Variants in RBFOX2 observed in about 807,000 individuals in gnomAD.
The protein encoded by RBFOX2 is RNA binding protein fox-1 homolog 2.
Under a neutral mutation model 49.1 loss-of-function variants are expected in RBFOX2, and 10 were observed. That is an observed-to-expected ratio of 0.20 (90% CI 0.13 to 0.35). The LOEUF is 0.35. Ranked by LOEUF, RBFOX2 falls within the 10% of genes least tolerant of loss-of-function variation. The pLI is 1.00. For missense variants in RBFOX2, 323 were observed against 486.9 expected (o/e 0.66, Z 3.17); for synonymous variants, 183 against 187.4 (o/e 0.98, Z 0.19).
chr22:35,905,519 C>G (rs1191081521), intron 1 of RBFOX2, among the ~76,000 whole-genome samples: 1 of 152,136 alleles, frequency 6.6e-6, no homozygotes, highest in African/African-American at 2.4e-5. Context: ...ATGACTGAAT[C>G]TTAAATACCT....
intron 1 of RBFOX2, among the ~76,000 whole-genome samples, chr22:35,838,454 G>A (rs796879011): frequency 4.6e-5 from 7 of 152,156 alleles, no homozygotes; most frequent in African/African-American, 1.7e-4. Context: ...GGGCGATGAA[G>A]TTCTAGATCC....
chr22:35,994,689 A>C (rs1054844093), intron 1 of RBFOX2: 1 of 152,116 alleles, frequency 6.6e-6, no homozygotes, highest in Non-Finnish European at 1.5e-5. Flanking sequence ...TACAAGCGTG[A>C]GGTACCATGC....
At chr22:35,890,812 CA>C (rs995312500) in intron 1 of RBFOX2, among the ~76,000 whole-genome samples, 7 of 150,366 alleles carry the variant, frequency 4.7e-5, no homozygotes, top group East Asian at 2.0e-4. Flanking sequence ...TAAAATGAAA[CA>C]AAAAAAAATC....
chr22:35,950,127 T>G (rs2054751223), intron 1 of RBFOX2, among the ~76,000 whole-genome samples: 1 of 144,500 alleles, frequency 6.9e-6, no homozygotes, highest in African/African-American at 2.7e-5. Context: ...TTTTTTTTTT[T>G]GCATGTGTCT....
intron 1 of RBFOX2, among the ~76,000 whole-genome samples, chr22:35,934,312 A>G (rs370008186): frequency 2.6e-5 from 4 of 152,184 alleles, no homozygotes; most frequent in Non-Finnish European, 4.4e-5. Flanking sequence ...ATTTGTTTAA[A>G]TTAAAAATGC....
At chr22:35,778,846 A>T (rs531446304) in intron 3 of RBFOX2, among the ~76,000 whole-genome samples, 4 of 152,276 alleles carry the variant, frequency 2.6e-5, no homozygotes, top group African/African-American at 9.6e-5. Context: ...CGTGTTGGCC[A>T]GGCTGGTCTC....
chr22:35,988,982 G>A (rs559307580), intron 1 of RBFOX2, among the ~76,000 whole-genome samples: 1 of 152,348 alleles, frequency 6.6e-6, no homozygotes, highest in East Asian at 1.9e-4. Flanking sequence ...CTGACGTTAT[G>A]AGTTCAAGAC....
intron 10 of RBFOX2, among the ~76,000 whole-genome samples, 180 bp downstream of exon 12, chr22:35,746,293 C>T (rs900605629): frequency 6.6e-6 from 1 of 152,152 alleles, no homozygotes; most frequent in Non-Finnish European, 1.5e-5. Context: ...AGGACAGAGT[C>T]GGTGCCTTGT....
intron 1 of RBFOX2, among the ~76,000 whole-genome samples, chr22:35,859,303 T>C (rs904358923): frequency 6.6e-6 from 1 of 152,064 alleles, no homozygotes; most frequent in African/African-American, 2.4e-5. Flanking sequence ...GTGGGAAGCT[T>C]TGAGGCAGTG....
intron 1 of RBFOX2, among the ~76,000 whole-genome samples, chr22:35,826,449 G>A (rs1015166530): frequency 1.3e-5 from 2 of 151,752 alleles, no homozygotes; most frequent in African/African-American, 4.8e-5. Context: ...GCTAACAGCT[G>A]AGTTATAATC....
chr22:36,026,398 C>T (rs1485598452), intron 1 of RBFOX2, among the ~76,000 whole-genome samples: 3 of 152,148 alleles, frequency 2.0e-5, no homozygotes, highest in African/African-American at 7.2e-5. Flanking sequence ...TGCGAAGTCC[C>T]TACACACTGC....
rs551712803 is a variant in RBFOX2 at position 35,874,194 on chromosome 22, T to C, written c.-33-64190A>G. Among the ~76,000 whole-genome samples, 8 of 152,324 alleles carry C rather than the reference T, an allele frequency of 5.3e-5. No individual in the cohort carries two copies. In the South Asian group the frequency reaches 1.0e-3, roughly 20 times the overall value. On this transcript the variant is annotated intron_variant, in intron 1 of 13. Coordinates refer to the RBFOX2 transcript ENST00000359369. ...TAAGAAATAATGCTGTGAGGAAACC[T>C]GCCTAGCGAAAGGCAGTAGACTACA...
chr22:35,982,274 A>G (rs933251441), intron 1 of RBFOX2, among the ~76,000 whole-genome samples: 1 of 152,120 alleles, frequency 6.6e-6, no homozygotes, highest in Non-Finnish European at 1.5e-5. Flanking sequence ...GTATTTCTCT[A>G]TTCTTTCTAC....
At chr22:36,026,653 T>C (rs1299765380) in intron 1 of RBFOX2, among the ~76,000 whole-genome samples, 1 of 152,008 alleles carries the variant, frequency 6.6e-6, no homozygotes, top group African/African-American at 2.4e-5. Flanking sequence ...ACCTGAAGTC[T>C]CCCACATTCC....
At chr22:35,987,119 T>A (rs2057758452) in intron 1 of RBFOX2, among the ~76,000 whole-genome samples, 1 of 152,184 alleles carries the variant, frequency 6.6e-6, no homozygotes, top group Non-Finnish European at 1.5e-5. Context: ...ATACAGCATT[T>A]AAATCTCTCA....
At chr22:36,001,261 T>C (rs981740932) in intron 1 of RBFOX2, among the ~76,000 whole-genome samples, 4 of 150,626 alleles carry the variant, frequency 2.7e-5, no homozygotes, top group Non-Finnish European at 5.9e-5. Flanking sequence ...TACACATACA[T>C]GTATACACCA....
intron 1 of RBFOX2, among the ~76,000 whole-genome samples, chr22:36,011,942 T>A (rs2058838037): frequency 6.6e-6 from 1 of 152,186 alleles, no homozygotes; most frequent in Non-Finnish European, 1.5e-5. Flanking sequence ...ATACTGACTA[T>A]TTTCCATGAC....
chr22:35,750,603 T>G (rs752730546), intron 9 of RBFOX2: 1 of 588,404 alleles, frequency 1.7e-6, no homozygotes, highest in Non-Finnish European at 3.2e-6. Flanking sequence ...GATACACACA[T>G]GCCCCTTTAA....
intron 1 of RBFOX2, among the ~76,000 whole-genome samples, chr22:35,960,285 C>A (rs899809050): frequency 4.6e-5 from 7 of 152,138 alleles, no homozygotes; most frequent in African/African-American, 1.7e-4. Flanking sequence ...GAGGTTGGTA[C>A]TCACAGCACT....
Sources: gnomAD v4.1 joint callset for allele counts (sites outside exome capture counted in the v4.1 genomes callset) on GRCh38, gnomAD v4.1.1 for gene constraint, MANE v1.5 for transcripts, NCBI Gene and HGNC (gene_info 2026-07-23, HGNC 2026-07-21) for gene names.